CLEC16A: variants seen among roughly 807,000 people sequenced by gnomAD.
The protein encoded by CLEC16A is protein CLEC16A.
A neutral mutation model predicts 109.5 loss-of-function variants in CLEC16A; 51 were observed. The ratio of observed to expected loss-of-function variants is 0.47; its 90% CI spans 0.37 to 0.59. The LOEUF is 0.59. CLEC16A is among the 20% of genes least tolerant of loss of function. CLEC16A has a pLI of 0.00. For missense variants in CLEC16A, 1,339 were observed against 1,394.0 expected (o/e 0.96, Z 0.63); for synonymous variants, 673 against 564.2 (o/e 1.19, Z -2.73).
intron 13 of CLEC16A, among the ~76,000 whole-genome samples, chr16:11,034,034 G>T (rs2046889913): frequency 6.6e-6 from 1 of 152,138 alleles, no homozygotes; most frequent in Non-Finnish European, 1.5e-5. Flanking sequence ...GTTTACCCAG[G>T]AAGAAGGAGT....
intron 10 of CLEC16A, 103 bp downstream of exon 10, chr16:10,983,094 C>T (rs2043420372): frequency 3.0e-6 from 2 of 672,256 alleles, no homozygotes; most frequent in African/African-American, 3.6e-5. Flanking sequence ...GAATATATAG[C>T]AGTGATGATG....
chr16:11,118,749 C>T (rs2052186603), intron 19 of CLEC16A, among the ~76,000 whole-genome samples: 1 of 152,164 alleles, frequency 6.6e-6, no homozygotes, highest in South Asian at 2.1e-4. Context: ...AGATTTTCTT[C>T]TAGGATTTTT....
intron 13 of CLEC16A, among the ~76,000 whole-genome samples, chr16:11,036,812 G>A (rs945619346): frequency 6.6e-6 from 1 of 152,116 alleles, no homozygotes; most frequent in African/African-American, 2.4e-5. Flanking sequence ...GCCTCCCAAA[G>A]TGCTGGTATT....
Position 10,984,873 on chromosome 16 carries a change from C to T in CLEC16A, c.1071+1882C>T, listed in dbSNP as rs1419733602. ...CCATTTAGAAAACAGGCAGCGCAAG[C>T]CCTGCTCTAGAGAGCTGATGGAGAT... On this transcript the variant is annotated intron_variant, in intron 10 of 23. Transcript: ENST00000409790. Among the ~76,000 whole-genome samples the T allele has an allele frequency of 3.3e-5, 5 of 152,160 alleles. No homozygotes were observed. The East Asian group carries it at 9.7e-4, about 29-fold the overall frequency.
intron 22 of CLEC16A, among the ~76,000 whole-genome samples, chr16:11,141,162 G>A (rs746862347): frequency 2.1e-4 from 32 of 152,326 alleles, no homozygotes; most frequent in African/African-American, 7.0e-4. Context: ...AGGCTTTTCC[G>A]TAGGGTCCTC....
intron 18 of CLEC16A, 125 bp downstream of exon 18, chr16:11,051,766 T>C: frequency 8.1e-7 from 1 of 1,234,878 alleles, no homozygotes; most frequent in Non-Finnish European, 1.1e-6. Flanking sequence ...AGACAGTGGA[T>C]AGAGAGTACC....
At chr16:10,968,502 T>A (rs902951448) in intron 3 of CLEC16A, among the ~76,000 whole-genome samples, 1 of 152,202 alleles carries the variant, frequency 6.6e-6, no homozygotes, top group Non-Finnish European at 1.5e-5. Flanking sequence ...GCCCCCATAA[T>A]GCATGACAAA....
chr16:10,954,042 A>G lies in CLEC16A; in HGVS notation c.81-3740A>G, dbSNP rs968280281. Among the ~76,000 whole-genome samples, 1 of 152,032 alleles carries G rather than the reference A, an allele frequency of 6.6e-6. No homozygotes were observed. The highest frequency in any genetic ancestry group is 1.5e-5 in the Non-Finnish European group (1 of 68,014). On this transcript the variant is annotated intron_variant, in intron 1 of 23. Coordinates refer to ENST00000409790, the MANE Select transcript of CLEC16A (RefSeq NM_015226.3). This position sits in a 1 kb window ranked among gnomAD's most constrained non-coding sequence, Gnocchi z 4.2. ...ACAAAAGAAGATATTCAAACAGTCCATAAACATATATGAACAGGCACCCGG... is the reference window on the plus strand; with the variant it reads ...ACAAAAGAAGATATTCAAACAGTCCGTAAACATATATGAACAGGCACCCGG...
chr16:11,087,017 G>A (rs546439743), intron 19 of CLEC16A, among the ~76,000 whole-genome samples: 5 of 152,306 alleles, frequency 3.3e-5, no homozygotes, highest in Non-Finnish European at 7.3e-5. Context: ...TTCTTTGAAT[G>A]TACTCACAAT....
At chr16:10,955,270 G>A (rs1596727061) in intron 1 of CLEC16A, among the ~76,000 whole-genome samples, 1 of 152,294 alleles carries the variant, frequency 6.6e-6, no homozygotes, top group East Asian at 1.9e-4. Flanking sequence ...TGTTTACAAA[G>A]ACCATCCCCT....
At chr16:11,124,950 G>C (rs545051138) in intron 21 of CLEC16A, among the ~76,000 whole-genome samples, 6 of 152,200 alleles carry the variant, frequency 3.9e-5, no homozygotes, top group Admixed American at 3.9e-4. Context: ...TGAGCCAGGC[G>C]TGGTGGCATA....
At chr16:11,035,420 A>G (rs2046965626) in intron 13 of CLEC16A, among the ~76,000 whole-genome samples, 1 of 152,226 alleles carries the variant, frequency 6.6e-6, no homozygotes, top group South Asian at 2.1e-4. Flanking sequence ...TTGTGCCAAG[A>G]ACACCACTAG....
chr16:11,178,575 A>C lies in CLEC16A; in HGVS notation c.3047A>C (p.His1016Pro). 6.2e-7 allele frequency: 1 copy of C among 1,611,062 alleles called. No individual in the cohort carries two copies. The highest frequency in any genetic ancestry group is 8.5e-7 in the Non-Finnish European group (1 of 1,179,730). Reference protein sequence around the residue: ...SLTLVPPVDPHSLRSLTGMPP... With the variant: ...SLTLVPPVDPPSLRSLTGMPP... ...ACCCTTGTCCCCCCAGTTGACCCCC[A>C]CAGCCTCCGCAGCCTCACCGGCATG... is the stretch of plus-strand genomic sequence containing the variant. The change falls in exon 24 of 24, where the codon CAC (histidine) becomes CCC (proline). Residue 1016 changes from histidine to proline, a missense_variant. Transcript: ENST00000409790. The surrounding 1 kb of genome is among the most constrained non-coding windows in gnomAD (Gnocchi z 6.5).
At chr16:10,956,771 C>T (rs1218290603) in intron 1 of CLEC16A, among the ~76,000 whole-genome samples, 1 of 152,292 alleles carries the variant, frequency 6.6e-6, no homozygotes, top group East Asian at 1.9e-4. Flanking sequence ...AGATGAAGTA[C>T]AGCACCATAG....
chr16:11,141,391 T>A (rs1488016114), intron 22 of CLEC16A, among the ~76,000 whole-genome samples: 1 of 152,174 alleles, frequency 6.6e-6, no homozygotes, highest in African/African-American at 2.4e-5. Context: ...TGGAAAAGGA[T>A]GACCATGGGG....
At chr16:10,964,921 A>G (rs766434309) in intron 3 of CLEC16A, among the ~76,000 whole-genome samples, 1 of 152,130 alleles carries the variant, frequency 6.6e-6, no homozygotes, top group Non-Finnish European at 1.5e-5. Flanking sequence ...TATGCAGTAG[A>G]TCTGTTAGCA....
At position 11,090,789 on chromosome 16, in the gene CLEC16A, C is replaced by A. The variant is rs1008063450; in HGVS notation, c.2116+29767C>A. Reference sequence around the variant, plus strand: ...CCTCCCAAGTAGCTGGGATTACAGGCATGCGCTACCATACCCAGCTAATTT... The same window carrying A: ...CCTCCCAAGTAGCTGGGATTACAGGAATGCGCTACCATACCCAGCTAATTT... On this transcript the variant is annotated intron_variant, in intron 19 of 23. Coordinates refer to ENST00000409790, the MANE Select transcript of CLEC16A (RefSeq NM_015226.3). Among the ~76,000 whole-genome samples the A allele has an allele frequency of 2.0e-5, 3 of 149,230 alleles. No homozygotes were observed. The East Asian group carries it at 5.9e-4, about 29-fold the overall frequency.
At chr16:11,086,300 C>T (rs548240074) in intron 19 of CLEC16A, among the ~76,000 whole-genome samples, 2 of 152,304 alleles carry the variant, frequency 1.3e-5, no homozygotes, top group African/African-American at 4.8e-5. Context: ...TCAAGATCCC[C>T]ACTCGCTACC....
intron 22 of CLEC16A, among the ~76,000 whole-genome samples, chr16:11,136,524 AG>A (rs1337691191): frequency 1.2e-4 from 18 of 152,314 alleles, no homozygotes; most frequent in African/African-American, 4.1e-4. Flanking sequence ...CCCAGAAAAT[AG>A]GTTCCTTTTC....
Sources: gnomAD v4.1 joint callset for allele counts (sites outside exome capture counted in the v4.1 genomes callset) on GRCh38, gnomAD v4.1.1 for gene constraint, Gnocchi (gnomAD v3.1) non-coding constraint, MANE v1.5 for transcripts, NCBI Gene and HGNC (gene_info 2026-07-23, HGNC 2026-07-21) for gene names.